TSHR: variants seen among roughly 807,000 people sequenced by gnomAD.
The protein encoded by TSHR is thyrotropin receptor.
A neutral mutation model predicts 64.1 loss-of-function variants in TSHR; 51 were observed. The ratio of observed to expected loss-of-function variants is 0.80; its 90% confidence interval spans 0.64 to 1.01. TSHR has a LOEUF of 1.01. Ranked by LOEUF, TSHR falls within the 50% of genes least tolerant of loss-of-function variation. The pLI is 0.00. For synonymous variants in TSHR, 361 were observed against 361.9 expected (o/e 1.00, Z 0.03); for missense variants, 877 against 942.8 (o/e 0.93, Z 0.91).
chr14:81,143,272 T>C lies in TSHR; in HGVS notation c.1214T>C (p.Phe405Ser). ...DMVCTPKSDEFNPCEDIMGYK... is the reference protein window; with the variant it reads ...DMVCTPKSDESNPCEDIMGYK... ...GTGTGTACCCCCAAGTCCGATGAGTTCAACCCGTGTGAAGACATAATGGGC... is the reference window on the plus strand; with the variant it reads ...GTGTGTACCCCCAAGTCCGATGAGTCCAACCCGTGTGAAGACATAATGGGC... The change falls in exon 10 of 10, where the codon TTC becomes TCC. Residue 405 changes from phenylalanine to serine, a missense_variant. Transcript: ENST00000298171. 1 of 1,614,168 alleles carries C rather than the reference T, an allele frequency of 6.2e-7. No individual in the cohort carries two copies. The highest frequency in any genetic ancestry group is 8.5e-7 in the Non-Finnish European group (1 of 1,180,036).
intron 3 of TSHR, among the ~76,000 whole-genome samples, chr14:81,068,969 G>T (rs184572612): frequency 0.031 from 4,717 of 152,070 alleles, 267 homozygotes; most frequent in African/African-American, 0.1. Flanking sequence ...TTTCTATTTC[G>T]CTAGTAGATT....
At chr14:81,087,269 T>G (rs1888353012) in intron 3 of TSHR, among the ~76,000 whole-genome samples, 1 of 152,212 alleles carries the variant, frequency 6.6e-6, no homozygotes. Flanking sequence ...CAACCTATGT[T>G]GAATATGTTT....
At chr14:81,142,833 C>T (rs1333988325) in intron 9 of TSHR, 107 bp from the exon 10 acceptor site, 1 of 968,776 alleles carries the variant, frequency 1.0e-6, no homozygotes, top group African/African-American at 1.6e-5. Flanking sequence ...TGGTCTCAAA[C>T]TCCTAGGCTC....
chr14:81,039,335 T>C (rs12185035), intron 1 of TSHR, among the ~76,000 whole-genome samples: 37,210 of 151,838 alleles, frequency 0.25, 4,687 homozygotes, highest in South Asian at 0.33. Flanking sequence ...AGAAGGAACA[T>C]ACCTTAACAT....
At position 81,068,601 on chromosome 14, in the gene TSHR, T is replaced by G. The variant is rs1426409685; in HGVS notation, c.317+273T>G. The G allele has an allele frequency of 7.0e-6, 3 of 427,608 alleles. No individual in the cohort carries two copies. The East Asian group carries it at 1.4e-4, about 20-fold the overall frequency. The allele number at this position is 427,608 out of a possible 1,614,324, so 26.5% of individuals were successfully genotyped here. ...CTACTGTGTCAGCATATTTTATTGA[T>G]GTGAATGTCAGTGAGACAATAGGTA... On this transcript the variant is annotated intron_variant, in intron 3 of 9. Transcript: ENST00000298171.
In TSHR at chr14:81,143,117, C is replaced by T. The variant is rs771159611; in HGVS notation, c.1059C>T (p.Tyr353=). 37 of 1,614,038 alleles carry T rather than the reference C, an allele frequency of 2.3e-5. 1 individual carries two copies. Among genetic ancestry groups the T allele is most frequent in the South Asian group, 1.2e-4 (11 of 91,080 alleles). ...ATACTCATAACAACGCTCATTATTA[C>T]GTCTTCTTTGAAGAACAAGAGGATG... The part of the protein sequence containing the change: ...FQDTHNNAHY[Y]VFFEEQEDEI... Residue 353 remains tyrosine, a synonymous_variant, in exon 10 of 10, where the codon TAC becomes TAT. Transcript: ENST00000298171.
chr14:81,114,439 G>T (rs1221339189), intron 8 of TSHR, among the ~76,000 whole-genome samples: 4 of 152,204 alleles, frequency 2.6e-5, no homozygotes, highest in Non-Finnish European at 5.9e-5. Context: ...GGAAAATCGG[G>T]TCGCTCCCAC....
chr14:81,123,264 C>T (rs1395034302), intron 8 of TSHR, among the ~76,000 whole-genome samples: 1 of 152,162 alleles, frequency 6.6e-6, no homozygotes, highest in Admixed American at 6.5e-5. Flanking sequence ...AGTCTCATTC[C>T]TGAACTTCCA....
intron 8 of TSHR, among the ~76,000 whole-genome samples, chr14:81,125,709 G>T (rs1310907487): frequency 3.3e-5 from 5 of 152,068 alleles, no homozygotes; most frequent in African/African-American, 1.2e-4. Flanking sequence ...GCCAGGGGAG[G>T]CTTGCATGCT....
chr14:81,109,029 C>A (rs1890101037), intron 8 of TSHR: 1 of 1,197,764 alleles, frequency 8.3e-7, no homozygotes. Context: ...TTCCCTGAAG[C>A]CTCTGTATCA....
intron 7 of TSHR, chr14:81,107,161 G>A (rs1261409151): frequency 6.6e-6 from 1 of 152,080 alleles, no homozygotes; most frequent in Non-Finnish European, 1.5e-5. Context: ...AACCAGGAGG[G>A]AAGTTTCTCT....
At chr14:81,139,332 T>C (rs1891583493) in intron 8 of TSHR, among the ~76,000 whole-genome samples, 1 of 152,222 alleles carries the variant, frequency 6.6e-6, no homozygotes. Flanking sequence ...TCATTTCTCT[T>C]GCCTCTTGAG....
intron 7 of TSHR, among the ~76,000 whole-genome samples, chr14:81,098,892 C>G (rs1455321823): frequency 6.6e-6 from 1 of 152,090 alleles, no homozygotes; most frequent in African/African-American, 2.4e-5. Flanking sequence ...TTTCCACAAG[C>G]AAAAGATTTT....
chr14:81,026,878 A>C (rs534106102), intron 1 of TSHR, among the ~76,000 whole-genome samples: 1 of 152,200 alleles, frequency 6.6e-6, no homozygotes, highest in Admixed American at 6.5e-5. Flanking sequence ...TCTACTAAAA[A>C]TACAAAAATT....
chr14:81,023,148 C>T (rs1883861787), intron 1 of TSHR, among the ~76,000 whole-genome samples: 1 of 152,186 alleles, frequency 6.6e-6, no homozygotes, highest in African/African-American at 2.4e-5. Flanking sequence ...GCCTAAGACA[C>T]TGAGTAAAGC....
intron 1 of TSHR, among the ~76,000 whole-genome samples, chr14:81,059,670 G>A (rs1056377422): frequency 6.6e-6 from 1 of 151,992 alleles, no homozygotes; most frequent in African/African-American, 2.4e-5. Flanking sequence ...TTGATTTACT[G>A]TGCATATTGT....
chr14:81,022,339 A>T (rs951546656), intron 1 of TSHR, among the ~76,000 whole-genome samples: 1 of 152,172 alleles, frequency 6.6e-6, no homozygotes, highest in East Asian at 1.9e-4. Flanking sequence ...TGTATGTGTC[A>T]ACTTGTGTTG....
rs1891033925 is a variant in TSHR, at chr14:81,126,685, T to C, written c.693-12994T>C. On this transcript the variant is annotated intron_variant, in intron 8 of 9. Transcript: ENST00000298171. ...GTAAATTCTGAACCATTTTATTAAC[T>C]AATTATCCCTCTTTAGCCAGGAGCT... 2.6e-5 allele frequency among the ~76,000 whole-genome samples: 4 copies of C among 152,330 alleles called. No individual in the cohort carries two copies. In the South Asian group the frequency reaches 8.3e-4, roughly 32 times the overall value.
chr14:80,960,109 A>G (rs546214490), intron 1 of TSHR, among the ~76,000 whole-genome samples: 9 of 152,342 alleles, frequency 5.9e-5, no homozygotes, highest in African/African-American at 2.2e-4. Flanking sequence ...AGAGATAACA[A>G]TCTGGCACGG....
Sources: allele counts gnomAD v4.1 joint callset (sites outside exome capture counted in the v4.1 genomes callset), GRCh38; gene constraint gnomAD v4.1.1; transcripts MANE v1.5; gene names NCBI Gene and HGNC (gene_info 2026-07-23, HGNC 2026-07-21).